MAP4K3: variants seen among roughly 807,000 people sequenced by gnomAD.
The protein encoded by MAP4K3 is MAPK/ERK kinase kinase kinase 3.
In MAP4K3, 94 loss-of-function variants were observed where a neutral mutation model predicts 143.5. The observed-to-expected ratio is 0.65, with a 90% confidence interval of 0.55 to 0.78. The LOEUF (loss-of-function observed/expected upper bound fraction) is 0.78, where lower values mean the gene tolerates loss of function less well. Ranked by LOEUF, MAP4K3 falls within the 30% of genes least tolerant of loss-of-function variation. The pLI, the probability that MAP4K3 is intolerant of heterozygous loss-of-function variation, is 0.00. For synonymous variants in MAP4K3, 416 were observed against 347.2 expected, an observed-to-expected ratio of 1.20 and a Z score of -2.20; for missense variants, 1,077 against 1,068.1, an observed-to-expected ratio of 1.01 and a Z score of -0.12.
At chr2:39,355,282 A>G (rs1665578664) in intron 3 of MAP4K3, among the ~76,000 whole-genome samples, 1 of 145,032 alleles carries the variant, frequency 6.9e-6, no homozygotes, top group Admixed American at 7.1e-5. Context: ...AATCACTTGA[A>G]CCCGGGAGGT....
intron 19 of MAP4K3, among the ~76,000 whole-genome samples, chr2:39,289,130 A>C (rs1191087689): frequency 6.6e-6 from 1 of 152,222 alleles, no homozygotes; most frequent in African/African-American, 2.4e-5. Context: ...TGCCTGAGAC[A>C]CTTTCTGTAC....
intron 4 of MAP4K3, among the ~76,000 whole-genome samples, chr2:39,339,981 G>T (rs1269471203): frequency 6.6e-6 from 1 of 151,776 alleles, no homozygotes; most frequent in Non-Finnish European, 1.5e-5. Flanking sequence ...AGTTATTAAA[G>T]AACAATATTA....
chr2:39,405,277 C>T (rs1667064777), intron 1 of MAP4K3, among the ~76,000 whole-genome samples: 2 of 152,170 alleles, frequency 1.3e-5, no homozygotes, highest in Admixed American at 6.5e-5. Flanking sequence ...TAAGAGACTG[C>T]CTATGATACA....
intron 1 of MAP4K3, among the ~76,000 whole-genome samples, chr2:39,401,978 T>C (rs1009092124): frequency 2.0e-5 from 3 of 151,782 alleles, no homozygotes; most frequent in Non-Finnish European, 4.4e-5. Flanking sequence ...ATACAACCTA[T>C]AAGGTAAGAA....
intron 1 of MAP4K3, among the ~76,000 whole-genome samples, chr2:39,431,546 T>C (rs1665290427): frequency 6.6e-6 from 1 of 151,736 alleles, no homozygotes; most frequent in Non-Finnish European, 1.5e-5. Flanking sequence ...TTTTGTAGGG[T>C]GGAAAGGAGC....
intron 8 of MAP4K3, among the ~76,000 whole-genome samples, chr2:39,329,600 C>T (rs186268101): frequency 2.6e-5 from 4 of 152,078 alleles, no homozygotes; most frequent in African/African-American, 9.7e-5. Flanking sequence ...ACAGTCAGTC[C>T]CTGGCATTCC....
rs777310769 is a variant in MAP4K3 at position 39,265,239 on chromosome 2, T to C, written c.2100A>G (p.Glu700=). The change falls in exon 28 of 34, where the codon GAA becomes GAG. Residue 700 remains glutamate (E), a synonymous_variant. Transcript: ENST00000263881. ...GALQTSIVLL[E]WVEPMQKFML... is the part of the protein sequence containing the mutation. ...TAAATTTCTGCATTGGTTCAACCCA[T>C]TCTAATAGAACAATGCTAGTCTGAA... 4.3e-6 allele frequency: 7 copies of C among 1,613,166 alleles called. No individual in the cohort carries two copies. Among genetic ancestry groups the C allele is most frequent in the Non-Finnish European group, 5.9e-6 (7 of 1,179,182 alleles).
intron 13 of MAP4K3, among the ~76,000 whole-genome samples, chr2:39,309,954 C>T: frequency 6.6e-6 from 1 of 152,074 alleles, no homozygotes; most frequent in East Asian, 1.9e-4. Flanking sequence ...ACACACTGAT[C>T]TCCAAAGATC....
chr2:39,405,254 T>C (rs931150980), intron 1 of MAP4K3, among the ~76,000 whole-genome samples: 2 of 152,164 alleles, frequency 1.3e-5, no homozygotes, highest in East Asian at 1.9e-4. Context: ...TAGGAAAAAG[T>C]AAAGGAAGAG....
At chr2:39,289,312 T>C (rs1681932378) in intron 19 of MAP4K3, among the ~76,000 whole-genome samples, 1 of 152,162 alleles carries the variant, frequency 6.6e-6, no homozygotes, top group Non-Finnish European at 1.5e-5. Flanking sequence ...TTTTCTCAAT[T>C]GTATAAAATG....
chr2:39,322,615 T>TGC (rs1683346719), intron 12 of MAP4K3, among the ~76,000 whole-genome samples: 1 of 150,074 alleles, frequency 6.7e-6, no homozygotes, highest in Admixed American at 6.9e-5. Flanking sequence ...TGTGTGTGTG[T>TGC]GTATATATGT....
chr2:39,309,406 AAACAAATTAAAACATTTATTTTCAGTGCT>A, intron 14 of MAP4K3, 26 bp downstream of exon 14: 1 of 1,380,252 alleles, frequency 7.2e-7, no homozygotes, highest in Non-Finnish European at 1.0e-6. Context: ...CATCACACAA[AAACAAATTAAAACATTTATTTTCAGTGCT>A]AACATTCTAA....
At chr2:39,397,388 T>C (rs752690453) in intron 1 of MAP4K3, among the ~76,000 whole-genome samples, 8 of 152,302 alleles carry the variant, frequency 5.3e-5, no homozygotes, top group South Asian at 4.1e-4. Context: ...TCATTTCCAA[T>C]AGCAACTAAA....
At chr2:39,321,421 C>T (rs1683296624) in intron 12 of MAP4K3, among the ~76,000 whole-genome samples, 1 of 152,154 alleles carries the variant, frequency 6.6e-6, no homozygotes, top group Non-Finnish European at 1.5e-5. Context: ...ATCACCACTC[C>T]CTAATCTCAA....
intron 13 of MAP4K3, among the ~76,000 whole-genome samples, chr2:39,310,928 C>T (rs11684665): frequency 0.019 from 2,942 of 152,114 alleles, 42 homozygotes; most frequent in Middle Eastern, 0.041. Flanking sequence ...GGAAAAAGCC[C>T]AATAAAGTCT....
At chr2:39,367,077 A>C (rs1665943205) in intron 2 of MAP4K3, among the ~76,000 whole-genome samples, 1 of 152,214 alleles carries the variant, frequency 6.6e-6, no homozygotes, top group Non-Finnish European at 1.5e-5. Flanking sequence ...CAAATACTTC[A>C]CCTGATAAAA....
intron 2 of MAP4K3, among the ~76,000 whole-genome samples, chr2:39,369,908 C>T (rs1666034750): frequency 1.3e-5 from 2 of 152,220 alleles, no homozygotes; most frequent in African/African-American, 4.8e-5. Context: ...GCCAGCACCA[C>T]CACCTACATA....
At chr2:39,403,885 G>A (rs1667020948) in intron 1 of MAP4K3, among the ~76,000 whole-genome samples, 1 of 151,168 alleles carries the variant, frequency 6.6e-6, no homozygotes, top group African/African-American at 2.4e-5. Context: ...TTGGATACCA[G>A]CTCAGCCACA....
chr2:39,297,776 C>T (rs1682343312), intron 16 of MAP4K3, among the ~76,000 whole-genome samples: 1 of 152,162 alleles, frequency 6.6e-6, no homozygotes, highest in South Asian at 2.1e-4. Context: ...TACCTACACA[C>T]GAAACACAGC....
Sources: allele counts gnomAD v4.1 joint callset (sites outside exome capture counted in the v4.1 genomes callset), GRCh38; gene constraint gnomAD v4.1.1; transcripts MANE v1.5; gene names NCBI Gene and HGNC (gene_info 2026-07-23, HGNC 2026-07-21).